The following TENM4 variants were observed in gnomAD, a reference collection of about 807,000 sequenced individuals.
TENM4 encodes the protein teneurin transmembrane protein 4.
In TENM4, 82 loss-of-function variants were observed where a neutral mutation model predicts 243.3. The ratio of observed to expected loss-of-function variants is 0.34; its 90% CI spans 0.28 to 0.40. The LOEUF (loss-of-function observed/expected upper bound fraction) is 0.40, where lower values mean the gene tolerates loss of function less well. Among genes scored for constraint, TENM4 ranks in the 10% least tolerant of loss-of-function variants. The pLI, the probability that TENM4 is intolerant of heterozygous loss-of-function variation, is 1.00. For missense variants in TENM4, 3,138 were observed against 3,673.3 expected, an observed-to-expected ratio of 0.85 and a Z score of 3.77; for synonymous variants, 1,412 against 1,456.3, an observed-to-expected ratio of 0.97 and a Z score of 0.69.
At chr11:78,818,476 T>C (rs746833577) in intron 12 of TENM4, among the ~76,000 whole-genome samples, 3 of 152,234 alleles carry the variant, frequency 2.0e-5, no homozygotes, top group Non-Finnish European at 4.4e-5. Context: ...GCAGAAGTTT[T>C]GGGAGACACG....
intron 2 of TENM4, among the ~76,000 whole-genome samples, chr11:79,244,431 A>G (rs1855478185): frequency 7.0e-6 from 1 of 142,614 alleles, no homozygotes; most frequent in African/African-American, 2.9e-5. Context: ...ACAGGGCTGT[A>G]TGTGTCTATG....
chr11:79,247,416 CAAAAAAAAAAAAAAA>C (rs34265803), intron 2 of TENM4, among the ~76,000 whole-genome samples: 1 of 81,372 alleles, frequency 1.2e-5, no homozygotes, highest in Non-Finnish European at 2.4e-5. Flanking sequence ...GACTCTGTCT[CAAAAAAAAAAAAAAA>C]AAAAAAAAGA....
chr11:79,016,773 G>T (rs1374239318), intron 6 of TENM4, among the ~76,000 whole-genome samples: 2 of 152,188 alleles, frequency 1.3e-5, no homozygotes, highest in Non-Finnish European at 1.5e-5. Context: ...GAAGCATTCA[G>T]CTTTCAGTCC....
At position 78,786,899 on chromosome 11, in the gene TENM4, G is replaced by C; in HGVS notation, c.2364C>G (p.Ile788Met). 6.2e-7 allele frequency: 1 copy of C among 1,607,504 alleles called. No individual in the cohort carries two copies. The highest frequency in any genetic ancestry group is 8.5e-7 in the Non-Finnish European group (1 of 1,177,572). ...SPGWNGEHCT[I>M]AHYLDRVVKE... The stretch of plus-strand genomic sequence containing the variant: ...CCCGGGGACCTCGGCCCGCCATACC[G>C]ATGGTGCAGTGTTCGCCATTCCAGC... The change falls in exon 16 of 34, where the codon ATC becomes ATG. Residue 788 changes from isoleucine to methionine, a missense_variant and splice_region_variant. Around this residue, in one of 2 missense-constraint regions of TENM4, gnomAD observed 2,467 missense variants for 3,059.1 expected, o/e 0.81. Coordinates refer to ENST00000278550, the MANE Select transcript of TENM4 (RefSeq NM_001098816.3).
chr11:78,778,135 C>T (rs563915168), intron 17 of TENM4, among the ~76,000 whole-genome samples: 7 of 152,124 alleles, frequency 4.6e-5, no homozygotes, highest in Admixed American at 2.0e-4. Context: ...CATAGATGCT[C>T]GTTGGACGAA....
At chr11:79,114,973 T>C (rs186958585) in intron 4 of TENM4, among the ~76,000 whole-genome samples, 2 of 152,312 alleles carry the variant, frequency 1.3e-5, no homozygotes, top group East Asian at 1.9e-4. Flanking sequence ...TCTAGGAATA[T>C]AGCTGTGAAT....
chr11:79,385,291 C>A (rs1249164232), intron 1 of TENM4, among the ~76,000 whole-genome samples: 1 of 152,206 alleles, frequency 6.6e-6, no homozygotes, highest in African/African-American at 2.4e-5. Flanking sequence ...TCATGGTGTG[C>A]AGCCAAGATT....
chr11:78,963,224 C>T (rs1565145736), intron 6 of TENM4, among the ~76,000 whole-genome samples: 4 of 152,176 alleles, frequency 2.6e-5, no homozygotes, highest in Admixed American at 1.3e-4. Flanking sequence ...AGTCTGACCC[C>T]AAGTTTCTAT....
At chr11:79,409,097 TGTGTGC>T (rs760500912) in intron 1 of TENM4, among the ~76,000 whole-genome samples, 1,386 of 104,772 alleles carry the variant, frequency 0.013, 8 homozygotes, top group Non-Finnish European at 0.016. Context: ...TGTGTGTGTG[TGTGTGC>T]GCGCGCGCGC....
chr11:78,993,375 T>C (rs1200702631), intron 6 of TENM4, among the ~76,000 whole-genome samples: 1 of 152,228 alleles, frequency 6.6e-6, no homozygotes, highest in Admixed American at 6.5e-5. Flanking sequence ...TTTGTGTTTA[T>C]TCCTGTGACT....
chr11:79,438,812 A>T lies in TENM4; in HGVS notation c.-321+1697T>A, dbSNP rs1249688367. On this transcript the variant is annotated intron_variant, in intron 1 of 33. Transcript: ENST00000278550. The surrounding 1 kb of genome is among the most constrained non-coding windows in gnomAD (Gnocchi z 4.1). ...CTGACTGACTCCTCCTCTGCGATCA[A>T]TTCCGGATGCCCCCACTTAGTCCCT... is the stretch of plus-strand genomic sequence containing the variant. 1.3e-5 allele frequency: 2 copies of T among 152,222 alleles called. No individual in the cohort carries two copies. The highest frequency in any genetic ancestry group is 2.9e-5 in the Non-Finnish European group (2 of 68,094). The allele number at this position is 152,222 out of a possible 1,614,324, so 9.4% of individuals were successfully genotyped here.
In TENM4 at chr11:78,926,153, G is replaced by A. The variant is rs546729495; in HGVS notation, c.494-22630C>T. Among the ~76,000 whole-genome samples the A allele has an allele frequency of 9.2e-5, 14 of 152,126 alleles. No individual in the cohort carries two copies. The South Asian group carries it at 2.7e-3, about 29-fold the overall frequency. On this transcript the variant is annotated intron_variant, in intron 6 of 33. Transcript: ENST00000278550. ...TAAAATTAATAAATGAAAAATAGCA[G>A]TACATGCATGTTATTTAGAAGCATG...
At chr11:78,814,088 C>T (rs997964411) in intron 13 of TENM4, among the ~76,000 whole-genome samples, 3 of 152,188 alleles carry the variant, frequency 2.0e-5, no homozygotes, top group Non-Finnish European at 4.4e-5. Context: ...CCTCCCCGAT[C>T]ATCCACATGT....
chr11:79,060,087 T>C (rs1287513303), intron 6 of TENM4, among the ~76,000 whole-genome samples: 13 of 152,238 alleles, frequency 8.5e-5, no homozygotes, highest in Admixed American at 8.5e-4. Flanking sequence ...AGACACTGTG[T>C]CAGCTTGACC....
chr11:78,962,558 G>A (rs1174776768), intron 6 of TENM4, among the ~76,000 whole-genome samples: 1 of 152,140 alleles, frequency 6.6e-6, no homozygotes, highest in South Asian at 2.1e-4. Context: ...TGAAGAGCTG[G>A]GGCCTCAGTG....
In TENM4 at chr11:78,710,964, C is replaced by A. The variant is rs551654746; in HGVS notation, c.4054+1518G>T. ...AACCTAAGAGAGTAGAATGTTGTGG[C>A]TGCAAAGGGTCTTGGGGATTATTTA... On this transcript the variant is annotated intron_variant, in intron 26 of 33. Transcript: ENST00000278550. Among the ~76,000 whole-genome samples, 301 of 152,272 alleles carry A rather than the reference C, an allele frequency of 2.0e-3. 1 individual carries two copies. Among genetic ancestry groups the A allele is most frequent in the African/African-American group, 7.1e-3 (294 of 41,552 alleles).
At chr11:79,376,984 C>T (rs11237811) in intron 1 of TENM4, among the ~76,000 whole-genome samples, 9 of 152,198 alleles carry the variant, frequency 5.9e-5, no homozygotes, top group African/African-American at 2.2e-4. Context: ...AGTTGAGAAT[C>T]TTAAAATGAA....
intron 4 of TENM4, among the ~76,000 whole-genome samples, chr11:79,113,241 G>C (rs1282281543): frequency 1.4e-5 from 2 of 145,788 alleles, no homozygotes; most frequent in East Asian, 3.9e-4. Flanking sequence ...AAAGGGAGGA[G>C]GAGGAGAAGC....
At chr11:79,142,856 A>G (rs1180030151) in intron 4 of TENM4, among the ~76,000 whole-genome samples, 1 of 152,090 alleles carries the variant, frequency 6.6e-6, no homozygotes, top group Non-Finnish European at 1.5e-5. Flanking sequence ...CATTTACAAC[A>G]AAGGTACCAA....
Sources: gnomAD v4.1 joint callset for allele counts (sites outside exome capture counted in the v4.1 genomes callset) on GRCh38, gnomAD v4.1.1 for gene constraint, gnomAD v4.1.1 regional missense constraint, Gnocchi (gnomAD v3.1) non-coding constraint, MANE v1.5 for transcripts, NCBI Gene and HGNC (gene_info 2026-07-23, HGNC 2026-07-21) for gene names.